Variants in FLT4 observed in about 807,000 individuals in gnomAD.
The protein encoded by FLT4 is vascular endothelial growth factor receptor 3.
A neutral mutation model predicts 163.2 loss-of-function variants in FLT4; 30 were observed. That is an observed-to-expected ratio of 0.18 (90% CI 0.14 to 0.25). The LOEUF (loss-of-function observed/expected upper bound fraction) is 0.25, where lower values mean the gene tolerates loss of function less well. Ranked by LOEUF, FLT4 falls within the 10% of genes least tolerant of loss-of-function variation. FLT4 has a pLI of 1.00. For missense variants in FLT4, 1,510 were observed against 1,863.8 expected (o/e 0.81, Z 3.50); for synonymous variants, 884 against 789.5 (o/e 1.12, Z -2.01).
In FLT4 at chr5:180,630,153, G is replaced by A. The variant is rs778204091; in HGVS notation, c.514-48C>T. 3.0e-6 allele frequency: 4 copies of A among 1,333,996 alleles called. No homozygotes were observed. In the Admixed American group the frequency reaches 7.5e-5, roughly 25 times the overall value. 82.6% of individuals were successfully genotyped at this position (1,333,996 alleles called of 1,614,324 possible). A position where few individuals can be genotyped will look rare whatever the true frequency, so the allele number is the denominator to read the frequency against. ...ATTGCCCAGCTGCCCCTTGCTCCTGGCCAGACAGGCGGCCGCCTTTCCCAG... is the reference window on the plus strand; with the variant it reads ...ATTGCCCAGCTGCCCCTTGCTCCTGACCAGACAGGCGGCCGCCTTTCCCAG... On this transcript the variant is annotated intron_variant, in intron 4 of 29. Coordinates refer to ENST00000261937, the MANE Select transcript of FLT4 (RefSeq NM_182925.5). The surrounding 1 kb of genome is among the most constrained non-coding windows in gnomAD (Gnocchi z 6.3).
At chr5:180,649,047 G>C (rs1480038855) in intron 1 of FLT4, among the ~76,000 whole-genome samples, 1 of 152,114 alleles carries the variant, frequency 6.6e-6, no homozygotes. Flanking sequence ...CTGGGCGTCG[G>C]GAAGTGCGCA....
chr5:180,629,132 G>A, intron 7 of FLT4, 127 bp downstream of exon 7: 1 of 1,458,180 alleles, frequency 6.9e-7, no homozygotes, highest in Non-Finnish European at 9.6e-7. Flanking sequence ...GCCCGGTGCA[G>A]GAGCTGGGCA....
At position 180,609,895 on chromosome 5, in the gene FLT4, T is replaced by G; in HGVS notation, c.3807+10A>C. ...CCGAGAGCGCAGCCCCCACCCTTCA[T>G]GTGAAGTACCACAGAGCCTTTGTAG... is the stretch of plus-strand genomic sequence containing the variant. On this transcript the variant is annotated intron_variant, in intron 28 of 29. Coordinates refer to ENST00000261937, the MANE Select transcript of FLT4 (RefSeq NM_182925.5). 1.2e-6 allele frequency: 2 copies of G among 1,613,824 alleles called. No individual in the cohort carries two copies. Among genetic ancestry groups the G allele is most frequent in the Non-Finnish European group, 1.7e-6 (2 of 1,179,824 alleles).
In FLT4 at chr5:180,618,929, G is replaced by T; in HGVS notation, c.2851-9C>A. 2 of 1,581,070 alleles carry T rather than the reference G, an allele frequency of 1.3e-6. No homozygotes were observed. The highest frequency in any genetic ancestry group is 8.6e-7 in the Non-Finnish European group (1 of 1,164,476). ...TGCTCGGGAGACTTCTCCTGCGGAT[G>T]CACGAAGCTGGCTCGAGGGCGCCCA... On this transcript the variant is annotated splice_polypyrimidine_tract_variant and intron_variant, in intron 20 of 29. Coordinates refer to ENST00000261937, the MANE Select transcript of FLT4 (RefSeq NM_182925.5).
At chr5:180,631,442 C>T (rs1425604020) in intron 2 of FLT4, among the ~76,000 whole-genome samples, 3 of 151,872 alleles carry the variant, frequency 2.0e-5, no homozygotes, top group Non-Finnish European at 2.9e-5. Context: ...CACTGCACTC[C>T]AGCCTGGGTG....
intron 10 of FLT4, among the ~76,000 whole-genome samples, chr5:180,624,776 C>T (rs756141001): frequency 2.0e-5 from 3 of 152,248 alleles, no homozygotes; most frequent in African/African-American, 7.2e-5. Flanking sequence ...TTAGGAGCTG[C>T]GGCCTCCCTC....
rs1164783220 is a variant in FLT4 at position 180,603,391 on chromosome 5, C to T, written c.3894-1G>A. ...CACATTCTGGCCAGGTCCTTTACAG[C>T]TGCCAAGACAGGGAAGGTGGTGTTA... On this transcript the variant is annotated splice_acceptor_variant, in intron 29 of 29. Coordinates refer to ENST00000261937, the MANE Select transcript of FLT4 (RefSeq NM_182925.5). LOFTEE classifies it high-confidence loss of function. The T allele has an allele frequency of 1.9e-6, 3 of 1,613,574 alleles. No individual in the cohort carries two copies. Among genetic ancestry groups the T allele is most frequent in the Non-Finnish European group, 2.5e-6 (3 of 1,179,822 alleles).
chr5:180,610,940 C>G (rs307829), intron 27 of FLT4, among the ~76,000 whole-genome samples: 133,909 of 148,734 alleles, frequency 0.9, 61,500 homozygotes, highest in Non-Finnish European at 0.99. Flanking sequence ...GCCTGTAGTC[C>G]CAGCTACTCG....
intron 1 of FLT4, among the ~76,000 whole-genome samples, chr5:180,633,381 C>G (rs1006771229): frequency 3.9e-5 from 6 of 152,182 alleles, no homozygotes; most frequent in Admixed American, 1.3e-4. Context: ...CGCCTGTCTG[C>G]TGCTGTGACT....
intron 17 of FLT4, 114 bp from the exon 18 acceptor site, chr5:180,619,883 G>A: frequency 2.6e-6 from 2 of 775,318 alleles, no homozygotes; most frequent in Non-Finnish European, 4.3e-6. Flanking sequence ...GCAGCAGGAG[G>A]AGCGTGGGGA....
Position 180,603,126 on chromosome 5 carries a change from C to G in FLT4, c.*66G>C, listed in dbSNP as rs1761597422. 5 of 1,518,134 alleles carry G rather than the reference C, an allele frequency of 3.3e-6. No individual in the cohort carries two copies. The highest frequency in any genetic ancestry group is 4.6e-6 in the Non-Finnish European group (5 of 1,098,408). The allele number at this position is 1,518,134 out of a possible 1,614,324, so 94.0% of individuals were successfully genotyped here. On this transcript the variant is annotated 3_prime_UTR_variant, in exon 30 of 30. Transcript: ENST00000261937. The stretch of plus-strand genomic sequence containing the variant: ...AACCAGATGAGTTCCCAGCCTGGGC[C>G]TCCAGCCCTCTGCCCGCCCTGCCGG...
At chr5:180,631,468 A>C (rs543738816) in intron 2 of FLT4, among the ~76,000 whole-genome samples, 2 of 151,452 alleles carry the variant, frequency 1.3e-5, no homozygotes, top group African/African-American at 2.4e-5. Context: ...GTGAGACTCC[A>C]TCTCAGAAAA....
chr5:180,608,583 C>T (rs1226449341), intron 29 of FLT4, among the ~76,000 whole-genome samples: 1 of 152,198 alleles, frequency 6.6e-6, no homozygotes, highest in Non-Finnish European at 1.5e-5. Flanking sequence ...GTTCAGATTA[C>T]AGTATCTACC....
rs1037643683 is a variant in FLT4, at chr5:180,646,244, A to G, written c.58+3244T>C. Among the ~76,000 whole-genome samples, 86 of 152,050 alleles carry G rather than the reference A, an allele frequency of 5.7e-4. 3 individuals are homozygous for G. The highest frequency in any genetic ancestry group is 5.4e-3 in the Admixed American group (83 of 15,286). On this transcript the variant is annotated intron_variant, in intron 1 of 29. Coordinates refer to ENST00000261937, the MANE Select transcript of FLT4 (RefSeq NM_182925.5). ...TGATAAATTATCCTTGAAGCCAGAG[A>G]CCTGGGACTTCCTCTGTCCCCACCA... is the stretch of plus-strand genomic sequence containing the variant.
At chr5:180,612,697 A>AC in intron 25 of FLT4, 86 bp from the exon 26 acceptor site, 1 of 895,998 alleles carries the variant, frequency 1.1e-6, no homozygotes. Context: ...GGGCCCTCTC[A>AC]CCCACTCTGC....
intron 26 of FLT4, 79 bp from the exon 27 acceptor site, chr5:180,611,558 A>ACCCCCGCCCTCAGCCCTCC (rs1762198636): frequency 7.7e-7 from 1 of 1,302,724 alleles, no homozygotes; most frequent in African/African-American, 2.3e-5. Context: ...CTCAGCCCTC[A>ACCCCCGCCCTCAGCCCTCC]CCCCCGCCCT....
intron 1 of FLT4, among the ~76,000 whole-genome samples, chr5:180,640,039 A>C (rs1000202666): frequency 4.6e-5 from 7 of 151,906 alleles, no homozygotes; most frequent in African/African-American, 1.5e-4. Context: ...GCCCCAGGAC[A>C]CCCTCCGTCC....
chr5:180,630,351 G>A lies in FLT4; in HGVS notation c.401-14C>T, dbSNP rs2127837758. On this transcript the variant is annotated splice_polypyrimidine_tract_variant and intron_variant, in intron 3 of 29. Transcript: ENST00000261937. This position sits in a 1 kb window ranked among gnomAD's most constrained non-coding sequence, Gnocchi z 6.3. ...GCTGCTCAAAGTCTATGGAGAGGGA[G>A]CAAGCTGTTGGGGAAGGGACGTGGC... The A allele has an allele frequency of 6.2e-7, 1 of 1,603,856 alleles. No individual in the cohort carries two copies. The highest frequency in any genetic ancestry group is 2.2e-5 in the East Asian group (1 of 44,862).
chr5:180,648,955 C>T (rs1391185875), intron 1 of FLT4, among the ~76,000 whole-genome samples: 2 of 152,194 alleles, frequency 1.3e-5, no homozygotes, highest in Non-Finnish European at 2.9e-5. Flanking sequence ...GGTCCCCGGC[C>T]CCTGTCCCCG....
Sources: gnomAD v4.1 joint callset for allele counts (sites outside exome capture counted in the v4.1 genomes callset) on GRCh38, gnomAD v4.1.1 for gene constraint, Gnocchi (gnomAD v3.1) non-coding constraint, MANE v1.5 for transcripts, NCBI Gene and HGNC (gene_info 2026-07-23, HGNC 2026-07-21) for gene names.